Variants in PPFIA2 observed in about 807,000 individuals in gnomAD.
PPFIA2 encodes the protein liprin-alpha-2.
A neutral mutation model predicts 175.5 loss-of-function variants in PPFIA2; 46 were observed. The observed-to-expected ratio is 0.26, with a 90% CI of 0.21 to 0.34. The LOEUF (loss-of-function observed/expected upper bound fraction) is 0.34, where lower values mean the gene tolerates loss of function less well. Ranked by LOEUF, PPFIA2 falls within the 10% of genes least tolerant of loss-of-function variation. The probability of loss-of-function intolerance (pLI) is 1.00; values close to 1 mark genes in which losing one functional copy is unlikely to be tolerated. For synonymous variants in PPFIA2, 568 were observed against 511.4 expected (o/e 1.11, Z -1.49); for missense variants, 1,179 against 1,506.1 (o/e 0.78, Z 3.60).
At chr12:81,381,181 G>A (rs2037608683) in intron 9 of PPFIA2, among the ~76,000 whole-genome samples, 1 of 152,026 alleles carries the variant, frequency 6.6e-6, no homozygotes, top group Admixed American at 6.6e-5. Context: ...TGGATGATGA[G>A]AGATATTCCT....
intron 4 of PPFIA2, among the ~76,000 whole-genome samples, chr12:81,624,166 A>ATG (rs1321760779): frequency 6.6e-5 from 10 of 151,758 alleles, no homozygotes; most frequent in African/African-American, 1.9e-4. Flanking sequence ...GTTGGCATCT[A>ATG]TGTATATATA....
intron 18 of PPFIA2, among the ~76,000 whole-genome samples, chr12:81,346,914 T>C (rs2059164323): frequency 6.6e-6 from 1 of 151,844 alleles, no homozygotes; most frequent in Non-Finnish European, 1.5e-5. Flanking sequence ...GTCATTCAAT[T>C]TTTAAAAAAA....
At position 81,446,344 on chromosome 12, in the gene PPFIA2, G is replaced by C. The variant is rs531759837; in HGVS notation, c.406-624C>G. On this transcript the variant is annotated intron_variant, in intron 5 of 32. Coordinates refer to ENST00000549396, the MANE Select transcript of PPFIA2 (RefSeq NM_003625.5). ...TTAGAATCTATGATTTCCCAGAGTA[G>C]CCTCTGGGGCCATGACAGAGGTGGA... 5.9e-5 allele frequency among the ~76,000 whole-genome samples: 9 copies of C among 152,300 alleles called. No homozygotes were observed. The East Asian group carries it at 1.7e-3, about 29-fold the overall frequency.
Position 81,259,418 on chromosome 12 carries a change from A to T in PPFIA2, c.*276T>A, listed in dbSNP as rs1297308260. 7.6e-6 allele frequency: 5 copies of T among 660,050 alleles called. No individual in the cohort carries two copies. Among genetic ancestry groups the T allele is most frequent in the Non-Finnish European group, 1.4e-5 (5 of 365,320 alleles). 40.9% of individuals were successfully genotyped at this position (660,050 alleles called of 1,614,324 possible). ...ACAACTGGCTTCATTTCATAAAAGC[A>T]TCTGTTGTACAGAGTTTATGATGTA... On this transcript the variant is annotated 3_prime_UTR_variant, in exon 33 of 33. Transcript: ENST00000549396.
At chr12:81,692,333 G>A (rs1281788651) in intron 3 of PPFIA2, among the ~76,000 whole-genome samples, 1 of 152,102 alleles carries the variant, frequency 6.6e-6, no homozygotes, top group Non-Finnish European at 1.5e-5. Flanking sequence ...GCAGCCTTGT[G>A]AGAGATCTGG....
chr12:81,268,034 G>T lies in PPFIA2; in HGVS notation c.3364C>A (p.Leu1122Ile), dbSNP rs1431138220. The T allele has an allele frequency of 6.3e-7, 1 of 1,595,318 alleles. No individual in the cohort carries two copies. Among genetic ancestry groups the T allele is most frequent in the Non-Finnish European group, 8.5e-7 (1 of 1,170,158 alleles). Residue 1122 changes from leucine (L) to isoleucine (I), a missense_variant, in exon 29 of 33, where the codon CTT (leucine) becomes ATT (isoleucine). Leu to Ile is a conservative substitution (Grantham distance 5). This residue lies in a region of PPFIA2 where 245 missense variants were observed against 375.1 expected (regional missense o/e 0.65). Coordinates refer to ENST00000549396, the MANE Select transcript of PPFIA2 (RefSeq NM_003625.5). ...RVIRWIQAIG[L>I]REYANNILES... The stretch of plus-strand genomic sequence containing the variant: ...AGTATATTATTTGCATATTCTCGAA[G>T]TCCAATTGCTTGTATCCAGCGAATA...
intron 4 of PPFIA2, among the ~76,000 whole-genome samples, chr12:81,473,213 GCCTGGCCAACATGGTGAAACCTTGTCT>G: frequency 6.6e-6 from 1 of 152,268 alleles, no homozygotes; most frequent in Middle Eastern, 3.4e-3. Flanking sequence ...TTCCAGACCA[GCCTGGCCAACATGGTGAAACCTTGTCT>G]CTACCAAAAA....
chr12:81,630,135 A>G (rs1567637384), intron 4 of PPFIA2, among the ~76,000 whole-genome samples: 2 of 152,212 alleles, frequency 1.3e-5, no homozygotes, highest in Non-Finnish European at 2.9e-5. Context: ...TCTTCCTTAG[A>G]GTCTCCAGTG....
intron 15 of PPFIA2, among the ~76,000 whole-genome samples, chr12:81,359,808 T>TA (rs2061359806): frequency 6.6e-6 from 1 of 151,704 alleles, no homozygotes; most frequent in African/African-American, 2.4e-5. Context: ...TAATTTATTT[T>TA]AAAAAAAAGC....
At chr12:81,520,431 G>A (rs563505740) in intron 4 of PPFIA2, among the ~76,000 whole-genome samples, 12 of 152,216 alleles carry the variant, frequency 7.9e-5, no homozygotes, top group African/African-American at 2.2e-4. Context: ...ACTGACCTTA[G>A]GTAACCGAAA....
At chr12:81,495,068 A>C (rs1282830103) in intron 4 of PPFIA2, among the ~76,000 whole-genome samples, 3 of 151,930 alleles carry the variant, frequency 2.0e-5, no homozygotes, top group Non-Finnish European at 2.9e-5. Flanking sequence ...CATTGTGCAC[A>C]TGTACCCTAA....
At chr12:81,665,083 T>G (rs2069877039) in intron 4 of PPFIA2, among the ~76,000 whole-genome samples, 4 of 151,966 alleles carry the variant, frequency 2.6e-5, no homozygotes, top group African/African-American at 9.7e-5. Context: ...ATATACCTAA[T>G]GTAAATGATG....
At chr12:81,598,889 C>G (rs1007942025) in intron 4 of PPFIA2, among the ~76,000 whole-genome samples, 1 of 151,896 alleles carries the variant, frequency 6.6e-6, no homozygotes, top group Non-Finnish European at 1.5e-5. Flanking sequence ...GTTTGACAAT[C>G]AGTGCTTCAA....
intron 3 of PPFIA2, among the ~76,000 whole-genome samples, chr12:81,704,068 T>A (rs1324772652): frequency 6.6e-6 from 1 of 152,202 alleles, no homozygotes; most frequent in Non-Finnish European, 1.5e-5. Context: ...AGACATAGGA[T>A]CTTGTCTCTT....
chr12:81,332,707 A>C (rs1243740846), intron 21 of PPFIA2, among the ~76,000 whole-genome samples: 2 of 152,156 alleles, frequency 1.3e-5, no homozygotes, highest in Non-Finnish European at 2.9e-5. Flanking sequence ...CAGGGATAGG[A>C]ACTCAATGAA....
At position 81,493,812 on chromosome 12, in the gene PPFIA2, T is replaced by C. The variant is rs533928257; in HGVS notation, c.304-35946A>G. Among the ~76,000 whole-genome samples the C allele has an allele frequency of 6.3e-4, 90 of 143,152 alleles. 1 individual carries two copies. Among genetic ancestry groups the C allele is most frequent in the African/African-American group, 2.4e-3 (90 of 38,130 alleles). 93.9% of individuals were successfully genotyped at this position (143,152 alleles called of 152,430 possible). On this transcript the variant is annotated intron_variant, in intron 4 of 32. Transcript: ENST00000549396. ...TACACATTGGAAAAAATAACAGCAT[T>C]TTGAACATAGAAACATAGATGAAGG...
chr12:81,734,107 T>A lies in PPFIA2; in HGVS notation c.249+19866A>T, dbSNP rs555490173. The stretch of plus-strand genomic sequence containing the variant: ...ATGGTCTCATATTACCACTGTTTCC[T>A]ATTTCAGGGTGCATATTGTGCCCAA... On this transcript the variant is annotated intron_variant, in intron 3 of 32. Coordinates refer to ENST00000549396, the MANE Select transcript of PPFIA2 (RefSeq NM_003625.5). 7.2e-5 allele frequency among the ~76,000 whole-genome samples: 11 copies of A among 151,920 alleles called. No homozygotes were observed. The East Asian group carries it at 2.1e-3, about 30-fold the overall frequency.
chr12:81,503,636 T>C (rs989727953), intron 4 of PPFIA2, among the ~76,000 whole-genome samples: 6 of 152,026 alleles, frequency 3.9e-5, no homozygotes, highest in African/African-American at 1.4e-4. Context: ...TATAAACTTA[T>C]AGATAAACTG....
chr12:81,642,658 CTATTATATACATACATGTATGTATCTATT>C lies in PPFIA2; in HGVS notation c.303+34104_303+34132del, dbSNP rs1567685648. On this transcript the variant is annotated intron_variant, in intron 4 of 32. Transcript: ENST00000549396. ...CTATTATATACATACATGTATGTAT[CTATTATATACATACATGTATGTATCTATT>C]ATATACATACATGTATATGTATGTA... is the stretch of plus-strand genomic sequence containing the variant. Among the ~76,000 whole-genome samples the C allele has an allele frequency of 1.4e-3, 62 of 43,578 alleles. 3 individuals carry two copies. The highest frequency in any genetic ancestry group is 5.1e-3 in the African/African-American group (60 of 11,746). 28.6% of individuals were successfully genotyped at this position (43,578 alleles called of 152,430 possible).
Sources: gnomAD v4.1 joint callset for allele counts (sites outside exome capture counted in the v4.1 genomes callset) on GRCh38, gnomAD v4.1.1 for gene constraint, gnomAD v4.1.1 regional missense constraint, MANE v1.5 for transcripts, NCBI Gene and HGNC (gene_info 2026-07-23, HGNC 2026-07-21) for gene names.